NALCN: variants seen among roughly 807,000 people sequenced by gnomAD.
The protein encoded by NALCN is sodium leak channel, non-selective.
A neutral mutation model predicts 225.3 loss-of-function variants in NALCN; 111 were observed. The ratio of observed to expected loss-of-function variants is 0.49; its 90% CI spans 0.42 to 0.58. The LOEUF is 0.58. Ranked by LOEUF, NALCN falls within the 20% of genes least tolerant of loss-of-function variation. The pLI is 0.00. For missense variants in NALCN, 1,378 were observed against 2,202.4 expected, an observed-to-expected ratio of 0.63 and a Z score of 7.49; for synonymous variants, 764 against 769.0, an observed-to-expected ratio of 0.99 and a Z score of 0.11.
chr13:101,201,822 T>C (rs528652949), intron 13 of NALCN, among the ~76,000 whole-genome samples: 16 of 152,300 alleles, frequency 1.1e-4, no homozygotes, highest in African/African-American at 3.6e-4. Flanking sequence ...CTTTAACTGG[T>C]TTCAAGAACT....
At chr13:101,195,629 A>T (rs1460001914) in intron 13 of NALCN, among the ~76,000 whole-genome samples, 1 of 152,224 alleles carries the variant, frequency 6.6e-6, no homozygotes, top group Non-Finnish European at 1.5e-5. Flanking sequence ...TGATGGCGTT[A>T]TGCCTATCCC....
chr13:101,300,367 TTTCCTTCC>T (rs71121182), intron 7 of NALCN, among the ~76,000 whole-genome samples: 13 of 101,702 alleles, frequency 1.3e-4, no homozygotes, highest in African/African-American at 1.7e-4. Context: ...TCTTTCTTTC[TTTCCTTCC>T]TTCCTTCCTT....
At chr13:101,248,395 T>C (rs1487801004) in intron 11 of NALCN, among the ~76,000 whole-genome samples, 3 of 152,224 alleles carry the variant, frequency 2.0e-5, no homozygotes, top group Admixed American at 2.0e-4. Flanking sequence ...AGAATTTTAC[T>C]GGCTTTTGCC....
chr13:101,061,845 G>T (rs2031965612), intron 41 of NALCN, 123 bp downstream of exon 41: 2 of 877,804 alleles, frequency 2.3e-6, no homozygotes, highest in Non-Finnish European at 3.4e-6. Context: ...ATAGTTTAAA[G>T]GGATAGAAGG....
chr13:101,068,919 C>T (rs376591012), intron 37 of NALCN, 92 bp from the exon 38 acceptor site: 1 of 1,306,730 alleles, frequency 7.7e-7, no homozygotes, highest in Admixed American at 3.0e-5. Context: ...GATTCCTAAA[C>T]ATATAGCATA....
chr13:101,279,543 G>A (rs1439152881), intron 10 of NALCN, among the ~76,000 whole-genome samples: 2 of 152,050 alleles, frequency 1.3e-5, no homozygotes, highest in Admixed American at 6.6e-5. Context: ...AGGGCCGGGC[G>A]CGGTGGCTCA....
intron 6 of NALCN, chr13:101,369,068 A>G: frequency 3.2e-6 from 1 of 315,634 alleles, no homozygotes. Context: ...CAAAGCTATA[A>G]CAGTTGTGAT....
chr13:101,196,147 C>G (rs533446), intron 13 of NALCN, among the ~76,000 whole-genome samples: 1 of 152,006 alleles, frequency 6.6e-6, no homozygotes, highest in African/African-American at 2.4e-5. Flanking sequence ...ATTTAACTCA[C>G]GTTATTTGAG....
At chr13:101,153,344 C>T (rs573226319) in intron 15 of NALCN, among the ~76,000 whole-genome samples, 1 of 152,308 alleles carries the variant, frequency 6.6e-6, no homozygotes, top group South Asian at 2.1e-4. Flanking sequence ...AGGAGGACTT[C>T]ACCCATATGA....
At position 101,089,964 on chromosome 13, in the gene NALCN, G is replaced by A. The variant is rs147053581; in HGVS notation, c.3272C>T (p.Ala1091Val). 3.1e-6 allele frequency: 5 copies of A among 1,613,784 alleles called. No homozygotes were observed. Among genetic ancestry groups the A allele is most frequent in the African/African-American group, 1.3e-5 (1 of 74,990 alleles). The change falls in exon 29 of 44, where the codon GCG becomes GTG. Residue 1091 changes from alanine to valine, a missense_variant and splice_region_variant. Around this residue, in one of 19 missense-constraint regions of NALCN, gnomAD observed 292 missense variants for 409.5 expected, o/e 0.71. Transcript: ENST00000251127. The surrounding 1 kb of genome is among the most constrained non-coding windows in gnomAD (Gnocchi z 4.7). ...KPGFWVPRVW[A>V]NPRNFNFDNV... is the part of the protein sequence containing the mutation. Reference sequence around the variant, plus strand: ...GTCGAAATTAAAGTTCCGAGGATTCGCCCTGCGATTCCAATACAGGAATGT... The same window carrying A: ...GTCGAAATTAAAGTTCCGAGGATTCACCCTGCGATTCCAATACAGGAATGT...
chr13:101,330,287 G>A (rs1460934441), intron 7 of NALCN, among the ~76,000 whole-genome samples: 1 of 152,104 alleles, frequency 6.6e-6, no homozygotes, highest in Non-Finnish European at 1.5e-5. Context: ...TAAAATCAGA[G>A]CTGTGAGCAG....
In NALCN at chr13:101,061,532, T is replaced by G. The variant is rs923088730; in HGVS notation, c.4755+436A>C. Reference sequence around the variant, plus strand: ...GAGTAGCTGGGACTACAGGCATGTGTGCCACGCCTGGTTAATTTTTGTATT... The same window carrying G: ...GAGTAGCTGGGACTACAGGCATGTGGGCCACGCCTGGTTAATTTTTGTATT... On this transcript the variant is annotated intron_variant, in intron 41 of 43. Transcript: ENST00000251127. Among the ~76,000 whole-genome samples, 6 of 152,016 alleles carry G rather than the reference T, an allele frequency of 3.9e-5. 1 individual carries two copies. The highest frequency in any genetic ancestry group is 3.9e-4 in the Admixed American group (6 of 15,274).
At chr13:101,101,406 G>A (rs569395084) in intron 26 of NALCN, among the ~76,000 whole-genome samples, 11 of 148,118 alleles carry the variant, frequency 7.4e-5, no homozygotes, top group East Asian at 2.0e-4. Context: ...TCAGCCTCCC[G>A]AGTAGCTGGG....
intron 10 of NALCN, among the ~76,000 whole-genome samples, chr13:101,260,120 T>C (rs2042377026): frequency 6.6e-6 from 1 of 152,078 alleles, no homozygotes. Context: ...AGTGAGAACA[T>C]GTGATGTTTG....
At chr13:101,128,863 AAG>A (rs376438623) in intron 17 of NALCN, among the ~76,000 whole-genome samples, 39 of 152,164 alleles carry the variant, frequency 2.6e-4, no homozygotes, top group African/African-American at 8.9e-4. Flanking sequence ...GCACCCAGCC[AAG>A]AGAGAGTCTG....
At chr13:101,142,542 T>G (rs562869997) in intron 17 of NALCN, among the ~76,000 whole-genome samples, 1 of 152,308 alleles carries the variant, frequency 6.6e-6, no homozygotes, top group East Asian at 1.9e-4. Flanking sequence ...TACTGATACT[T>G]TGCTGTGGAA....
At chr13:101,159,903 CTT>C (rs1243417551) in intron 15 of NALCN, among the ~76,000 whole-genome samples, 1 of 152,220 alleles carries the variant, frequency 6.6e-6, no homozygotes, top group African/African-American at 2.4e-5. Flanking sequence ...AATCACATCT[CTT>C]TGTTAGTGAG....
At chr13:101,083,930 GT>G in intron 30 of NALCN, 126 bp from the exon 31 acceptor site, 1 of 758,712 alleles carries the variant, frequency 1.3e-6, no homozygotes, top group Non-Finnish European at 2.0e-6. Context: ...TCTTCCAACC[GT>G]GGTGGTGAGA....
intron 43 of NALCN, 75 bp from the exon 44 acceptor site, chr13:101,055,563 T>A: frequency 7.6e-7 from 1 of 1,310,018 alleles, no homozygotes. Context: ...AAACCCATGA[T>A]ATTCCCATCA....
Sources: allele counts gnomAD v4.1 joint callset (sites outside exome capture counted in the v4.1 genomes callset), GRCh38; gene constraint gnomAD v4.1.1; regional missense constraint gnomAD v4.1.1; non-coding constraint Gnocchi (gnomAD v3.1); transcripts MANE v1.5; gene names NCBI Gene and HGNC (gene_info 2026-07-23, HGNC 2026-07-21).